Variants in TTLL7 observed in about 807,000 individuals in gnomAD.
TTLL7 encodes the protein tubulin tyrosine ligase like 7, also known as tubulin polyglutamylase TTLL7.
A neutral mutation model predicts 120.2 loss-of-function variants in TTLL7; 53 were observed. That is an observed-to-expected ratio of 0.44 (90% CI 0.35 to 0.55). The LOEUF is 0.55. TTLL7 is among the 20% of genes least tolerant of loss of function. The pLI, the probability that TTLL7 is intolerant of heterozygous loss-of-function variation, is 0.00. For missense variants in TTLL7, 803 were observed against 1,054.7 expected, an observed-to-expected ratio of 0.76 and a Z score of 3.31; for synonymous variants, 353 against 351.7, an observed-to-expected ratio of 1.00 and a Z score of -0.04.
At chr1:83,933,932 C>G (rs1424145543) in intron 8 of TTLL7, among the ~76,000 whole-genome samples, 166 bp from the exon 9 acceptor site, 3 of 152,198 alleles carry the variant, frequency 2.0e-5, no homozygotes, top group African/African-American at 7.2e-5. Flanking sequence ...CCCCTGCCCA[C>G]TGCACTCCTC....
intron 4 of TTLL7, 193 bp downstream of exon 4, chr1:83,949,672 T>C (rs973306866): frequency 1.2e-5 from 7 of 567,076 alleles, no homozygotes; most frequent in African/African-American, 9.9e-5. Flanking sequence ...AGAAAGAGGT[T>C]AAAACTTAAG....
At chr1:83,918,282 C>G (rs1658357166) in intron 13 of TTLL7, among the ~76,000 whole-genome samples, 1 of 152,106 alleles carries the variant, frequency 6.6e-6, no homozygotes, top group South Asian at 2.1e-4. Context: ...TGCCCTAACA[C>G]CTTTCCTGCG....
intron 1 of TTLL7, among the ~76,000 whole-genome samples, chr1:83,977,646 T>C (rs1277441055): frequency 2.0e-5 from 3 of 152,082 alleles, no homozygotes; most frequent in African/African-American, 7.2e-5. Flanking sequence ...ATGTCCAAAG[T>C]AGGTAAAGAA....
At position 83,949,979 on chromosome 1, in the gene TTLL7, T is replaced by G. The variant is rs769739722; in HGVS notation, c.165A>C (p.Leu55Phe). ...VAGTKFEIVR[L>F]VIDEMGFMKT... ...TCATAAATCCCATTTCATCTATTACTAAACGAACTGCAAGTAAACAGTTAA... is the reference window on the plus strand; with the variant it reads ...TCATAAATCCCATTTCATCTATTACGAAACGAACTGCAAGTAAACAGTTAA... The change falls in exon 4 of 21, where the codon TTA becomes TTC. Residue 55 changes from leucine to phenylalanine, a missense_variant. By Grantham distance (22) the Leu-to-Phe change is conservative. Transcript: ENST00000260505. The G allele has an allele frequency of 6.8e-6, 11 of 1,611,140 alleles. No individual in the cohort carries two copies. In the Admixed American group the frequency reaches 1.7e-4, roughly 25 times the overall value.
chr1:83,949,943 A>T lies in TTLL7; in HGVS notation c.201T>A (p.Asp67Glu), dbSNP rs199784704. 506 of 1,613,632 alleles carry T rather than the reference A, an allele frequency of 3.1e-4. 1 individual carries two copies. Among genetic ancestry groups the T allele is most frequent in the Non-Finnish European group, 3.7e-4 (438 of 1,179,876 alleles). ...IDEMGFMKTPDEDETSNLIWC... is the reference protein window; with the variant it reads ...IDEMGFMKTPEEDETSNLIWC... ...ATATAAGATTACTTGTTTCATCCTC[A>T]TCTGGAGTTTTCATAAATCCCATTT... Residue 67 changes from aspartate to glutamate, a missense_variant, in exon 4 of 21, where the codon GAT (aspartate) becomes GAA (glutamate). By Grantham distance (45) the Asp-to-Glu change is conservative. Coordinates refer to ENST00000260505, the MANE Select transcript of TTLL7 (RefSeq NM_024686.6).
chr1:83,905,838 A>C (rs1223871060), intron 17 of TTLL7, among the ~76,000 whole-genome samples: 1 of 151,972 alleles, frequency 6.6e-6, no homozygotes, highest in Non-Finnish European at 1.5e-5. Flanking sequence ...TGTGTGTGTA[A>C]CAAGAAAAAC....
chr1:83,997,169 T>C (rs963564690), intron 1 of TTLL7, among the ~76,000 whole-genome samples: 5 of 152,202 alleles, frequency 3.3e-5, no homozygotes, highest in South Asian at 2.1e-4. Flanking sequence ...AAAAGAATTC[T>C]CCAATGCAAA....
intron 1 of TTLL7, among the ~76,000 whole-genome samples, chr1:83,989,126 G>A (rs970682421): frequency 1.3e-5 from 2 of 152,142 alleles, no homozygotes; most frequent in Non-Finnish European, 2.9e-5. Context: ...CCATTCTGTA[G>A]GTTGTCTGTC....
intron 15 of TTLL7, among the ~76,000 whole-genome samples, chr1:83,909,482 C>T (rs1296317730): frequency 6.6e-6 from 1 of 151,770 alleles, no homozygotes; most frequent in Non-Finnish European, 1.5e-5. Context: ...CAGCACTACT[C>T]TGAAGACAAA....
At chr1:83,919,621 G>A (rs1035931984) in intron 13 of TTLL7, 78 bp downstream of exon 13, 47 of 1,295,818 alleles carry the variant, frequency 3.6e-5, no homozygotes, top group East Asian at 3.1e-4. Flanking sequence ...TTTATATGTC[G>A]GACCAAGGTG....
chr1:83,935,842 T>A (rs946647041), intron 8 of TTLL7, among the ~76,000 whole-genome samples: 2 of 152,196 alleles, frequency 1.3e-5, no homozygotes, highest in African/African-American at 4.8e-5. Context: ...CCTTAAACAG[T>A]TATCTATATA....
In TTLL7 at chr1:83,967,872, C is replaced by CA. The variant is rs201389523; in HGVS notation, c.-176-15486dup. Reference sequence around the variant, plus strand: ...TTCTCAAAAAACAAAGATAAAACAGCAAAAAAAAAGAGTCAAGAATAATAA... The same window carrying CA: ...TTCTCAAAAAACAAAGATAAAACAGCAAAAAAAAAAGAGTCAAGAATAATAA... On this transcript the variant is annotated intron_variant, in intron 1 of 20. Transcript: ENST00000260505. Among the ~76,000 whole-genome samples the CA allele has an allele frequency of 5.9e-3, 876 of 147,764 alleles. 7 individuals are homozygous for CA. Among genetic ancestry groups the CA allele is most frequent in the African/African-American group, 0.02 (820 of 40,264 alleles).
intron 20 of TTLL7, among the ~76,000 whole-genome samples, chr1:83,871,692 G>A (rs1570998714): frequency 2.0e-5 from 3 of 151,872 alleles, no homozygotes; most frequent in East Asian, 1.9e-4. Flanking sequence ...TCAGGAGATC[G>A]AGACCATCCT....
Position 83,867,337 on chromosome 1 carries a change from T to C in TTLL7, c.*2625A>G, listed in dbSNP as rs1339574296. 1.1e-4 allele frequency: 16 copies of C among 152,014 alleles called. No individual in the cohort carries two copies. The highest frequency in any genetic ancestry group is 3.9e-4 in the African/African-American group (16 of 41,440). 9.4% of individuals were successfully genotyped at this position (152,014 alleles called of 1,614,324 possible). A position where few individuals can be genotyped will look rare whatever the true frequency, so the allele number is the denominator to read the frequency against. On this transcript the variant is annotated 3_prime_UTR_variant, in exon 21 of 21. Coordinates refer to ENST00000260505, the MANE Select transcript of TTLL7 (RefSeq NM_024686.6). ...TCCATAGCATACCAGGTAGTATATATAAATAATGAACACAAGGCTTTTATT... is the reference window on the plus strand; with the variant it reads ...TCCATAGCATACCAGGTAGTATATACAAATAATGAACACAAGGCTTTTATT...
intron 14 of TTLL7, among the ~76,000 whole-genome samples, chr1:83,917,161 T>C (rs1324484): frequency 0.43 from 65,099 of 151,544 alleles, 15,482 homozygotes; most frequent in Non-Finnish European, 0.54. Flanking sequence ...TCTACTTATT[T>C]CTAGGAATTA....
intron 1 of TTLL7, among the ~76,000 whole-genome samples, chr1:83,964,350 T>C (rs1403968332): frequency 6.6e-6 from 1 of 152,144 alleles, no homozygotes; most frequent in Admixed American, 6.6e-5. Context: ...TGCCTGAAGT[T>C]AACCATTGCA....
chr1:83,919,908 G>C, intron 12 of TTLL7, 74 bp from the exon 13 acceptor site: 2 of 1,396,678 alleles, frequency 1.4e-6, no homozygotes, highest in Non-Finnish European at 2.0e-6. Context: ...CAACTCCATA[G>C]ACAATCCTTG....
chr1:83,930,960 G>A (rs1015268893), intron 9 of TTLL7, among the ~76,000 whole-genome samples: 4 of 150,736 alleles, frequency 2.7e-5, no homozygotes, highest in African/African-American at 9.7e-5. Flanking sequence ...TGGAAAGGCA[G>A]GAAACCTTTT....
At chr1:83,917,913 T>TAATTAGGATC (rs1316104300) in intron 13 of TTLL7, among the ~76,000 whole-genome samples, 1 of 152,146 alleles carries the variant, frequency 6.6e-6, no homozygotes, top group African/African-American at 2.4e-5. Context: ...CTATTCTGTA[T>TAATTAGGATC]TAATTATCCT....
Sources: allele counts gnomAD v4.1 joint callset (sites outside exome capture counted in the v4.1 genomes callset), GRCh38; gene constraint gnomAD v4.1.1; transcripts MANE v1.5; gene names NCBI Gene and HGNC (gene_info 2026-07-23, HGNC 2026-07-21).